Variants in MBOAT2 observed in about 807,000 individuals in gnomAD.
MBOAT2 encodes the protein membrane bound glycerophospholipid O-acyltransferase 2, also known as membrane-bound glycerophospholipid O-acyltransferase 2.
Under a neutral mutation model 63.4 loss-of-function variants are expected in MBOAT2, and 28 were observed. That is an observed-to-expected ratio of 0.44 (90% CI 0.33 to 0.61). MBOAT2 has a LOEUF of 0.61. Among genes scored for constraint, MBOAT2 ranks in the 20% least tolerant of loss-of-function variants. The pLI is 0.03. For missense variants in MBOAT2, 470 were observed against 605.8 expected, an observed-to-expected ratio of 0.78 and a Z score of 2.35; for synonymous variants, 211 against 215.6, an observed-to-expected ratio of 0.98 and a Z score of 0.19.
intron 5 of MBOAT2, among the ~76,000 whole-genome samples, chr2:8,885,059 C>T (rs1663448019): frequency 6.6e-6 from 1 of 152,184 alleles, no homozygotes; most frequent in Non-Finnish European, 1.5e-5. Flanking sequence ...TACGGGTAGT[C>T]CAGTGATTCT....
intron 3 of MBOAT2, among the ~76,000 whole-genome samples, chr2:8,932,151 T>C (rs1296975374): frequency 6.6e-6 from 1 of 152,176 alleles, no homozygotes; most frequent in East Asian, 1.9e-4. Flanking sequence ...GAGGAAGTCA[T>C]TTTTTCTCTA....
chr2:8,867,334 T>C (rs955443612), intron 9 of MBOAT2, among the ~76,000 whole-genome samples: 2 of 152,184 alleles, frequency 1.3e-5, no homozygotes, highest in Non-Finnish European at 2.9e-5. Flanking sequence ...TCCTTTTTTC[T>C]TTCTGGCTAC....
intron 5 of MBOAT2, among the ~76,000 whole-genome samples, chr2:8,885,814 C>T (rs1663509312): frequency 6.6e-6 from 1 of 152,166 alleles, no homozygotes; most frequent in Non-Finnish European, 1.5e-5. Context: ...AATGATGCCA[C>T]TGGATTGATA....
chr2:8,859,850 A>G (rs950983337), intron 12 of MBOAT2, among the ~76,000 whole-genome samples: 1 of 152,188 alleles, frequency 6.6e-6, no homozygotes, highest in Non-Finnish European at 1.5e-5. Context: ...GTATCAATCA[A>G]ACATAAAAGA....
chr2:8,955,072 G>C (rs1265629547), intron 2 of MBOAT2, among the ~76,000 whole-genome samples: 1 of 152,174 alleles, frequency 6.6e-6, no homozygotes, highest in Non-Finnish European at 1.5e-5. Flanking sequence ...CAGCTGAGGT[G>C]CTTTCCACAA....
At position 8,980,874 on chromosome 2, in the gene MBOAT2, A is replaced by C; in HGVS notation, c.76-22232T>G. Among the ~76,000 whole-genome samples the C allele has an allele frequency of 1.3e-5, 2 of 152,136 alleles. 1 individual carries two copies. Among genetic ancestry groups the C allele is most frequent in the Non-Finnish European group, 2.9e-5 (2 of 68,026 alleles). ...AGGTATATACACAAGATAACTGAAA[A>C]CTTAAATCTACACAAAAACTTCTAC... On this transcript the variant is annotated intron_variant, in intron 1 of 12. Coordinates refer to ENST00000305997, the MANE Select transcript of MBOAT2 (RefSeq NM_138799.4).
At chr2:8,881,907 T>C (rs977321283) in intron 6 of MBOAT2, among the ~76,000 whole-genome samples, 13 of 152,234 alleles carry the variant, frequency 8.5e-5, no homozygotes, top group African/African-American at 2.9e-4. Flanking sequence ...AATTTTTCTT[T>C]AAGTATAATG....
chr2:8,925,844 G>A (rs1018313736), intron 3 of MBOAT2, among the ~76,000 whole-genome samples: 3 of 152,166 alleles, frequency 2.0e-5, no homozygotes, highest in African/African-American at 7.2e-5. Context: ...CTTCATAACT[G>A]ATGGCATGTA....
intron 1 of MBOAT2, among the ~76,000 whole-genome samples, chr2:8,974,014 G>A (rs1246281995): frequency 6.6e-6 from 1 of 152,104 alleles, no homozygotes; most frequent in Non-Finnish European, 1.5e-5. Context: ...TGAAGTGAAT[G>A]GAATGAATGC....
chr2:8,952,738 CTTT>C (rs1283665939), intron 2 of MBOAT2, among the ~76,000 whole-genome samples: 16 of 138,032 alleles, frequency 1.2e-4, no homozygotes, highest in Non-Finnish European at 1.1e-4. Context: ...ATGTAACGCC[CTTT>C]TTTTTTTTTT....
chr2:8,861,008 A>C, intron 11 of MBOAT2: 1 of 261,188 alleles, frequency 3.8e-6, no homozygotes, highest in Non-Finnish European at 7.2e-6. Context: ...GAAAACATAA[A>C]TGACTGGTGA....
At chr2:8,896,958 G>A (rs1664528127) in intron 4 of MBOAT2, among the ~76,000 whole-genome samples, 1 of 152,262 alleles carries the variant, frequency 6.6e-6, no homozygotes, top group Non-Finnish European at 1.5e-5. Flanking sequence ...GCTACGGGCT[G>A]TCAGTGGCCT....
intron 3 of MBOAT2, among the ~76,000 whole-genome samples, chr2:8,938,704 CGTTTCATGCTGCCAT>C (rs1171851265): frequency 6.6e-6 from 1 of 150,824 alleles, no homozygotes; most frequent in African/African-American, 2.4e-5. Flanking sequence ...CATGCTGTCA[CGTTTCATGCTGCCAT>C]GTTTCATGCC....
intron 1 of MBOAT2, among the ~76,000 whole-genome samples, chr2:8,979,864 G>A (rs760577078): frequency 6.6e-6 from 1 of 152,032 alleles, no homozygotes; most frequent in Non-Finnish European, 1.5e-5. Flanking sequence ...GTCCTGATAC[G>A]CAGACTCCAC....
At chr2:8,996,707 G>A (rs1035698194) in intron 1 of MBOAT2, among the ~76,000 whole-genome samples, 1 of 152,148 alleles carries the variant, frequency 6.6e-6, no homozygotes, top group African/African-American at 2.4e-5. Context: ...CACATCTAGT[G>A]CAGCTGGCTC....
chr2:8,970,063 A>G (rs1670332485), intron 1 of MBOAT2, among the ~76,000 whole-genome samples: 1 of 152,250 alleles, frequency 6.6e-6, no homozygotes. Flanking sequence ...TCAAAAGAAT[A>G]TACATTCTTC....
chr2:8,966,014 A>G lies in MBOAT2; in HGVS notation c.76-7372T>C, dbSNP rs565573486. Among the ~76,000 whole-genome samples, 8 of 152,320 alleles carry G rather than the reference A, an allele frequency of 5.3e-5. No homozygotes were observed. In the South Asian group the frequency reaches 1.7e-3, roughly 32 times the overall value. On this transcript the variant is annotated intron_variant, in intron 1 of 12. Coordinates refer to ENST00000305997, the MANE Select transcript of MBOAT2 (RefSeq NM_138799.4). ...ACTGATGGAATACAAAATATGTTCT[A>G]ATTTTTAAAAATAACATTAACGGAT... is the stretch of plus-strand genomic sequence containing the variant.
At chr2:8,900,115 G>A (rs1174884496) in intron 4 of MBOAT2, among the ~76,000 whole-genome samples, 1 of 152,130 alleles carries the variant, frequency 6.6e-6, no homozygotes, top group East Asian at 1.9e-4. Flanking sequence ...AGTAATTCAT[G>A]GCTTTTTTCC....
chr2:8,958,036 G>A (rs1669348953), intron 2 of MBOAT2, among the ~76,000 whole-genome samples: 1 of 152,086 alleles, frequency 6.6e-6, no homozygotes, highest in East Asian at 1.9e-4. Context: ...AGGAAGAACA[G>A]ACAAATGAAC....
Sources: gnomAD v4.1 joint callset for allele counts (sites outside exome capture counted in the v4.1 genomes callset) on GRCh38, gnomAD v4.1.1 for gene constraint, MANE v1.5 for transcripts, NCBI Gene and HGNC (gene_info 2026-07-23, HGNC 2026-07-21) for gene names.